Variants in NPY observed in about 807,000 individuals in gnomAD.
The protein encoded by NPY is pro-neuropeptide Y.
In NPY, 11 loss-of-function variants were observed where a neutral mutation model predicts 13.2. That is an observed-to-expected ratio of 0.83 (90% CI 0.52 to 1.38). The LOEUF is 1.38. Ranked by LOEUF, NPY falls within the 40% of genes most tolerant of loss-of-function variation. The pLI is 0.00. For synonymous variants in NPY, 51 were observed against 55.6 expected (o/e 0.92, Z 0.37); for missense variants, 109 against 125.1 (o/e 0.87, Z 0.61).
At chr7:24,290,589 C>T (rs1234370735) in intron 3 of NPY, among the ~76,000 whole-genome samples, 2 of 151,716 alleles carry the variant, frequency 1.3e-5, no homozygotes, top group African/African-American at 2.4e-5. Flanking sequence ...GGCCAGCCAG[C>T]ATGAAGGGTG....
chr7:24,289,673 A>G (rs1395708026), intron 3 of NPY, 94 bp downstream of exon 3: 1 of 867,142 alleles, frequency 1.2e-6, no homozygotes, highest in Non-Finnish European at 1.8e-6. Flanking sequence ...AGGCACCACC[A>G]GGCTTCTAGA....
chr7:24,290,775 A>AATAATAATAATTATAATTATT (rs10701264), intron 3 of NPY, among the ~76,000 whole-genome samples: 1 of 129,638 alleles, frequency 7.7e-6, no homozygotes, highest in Non-Finnish European at 1.6e-5. Context: ...TAATAATAAT[A>AATAATAATAATTATAATTATT]ATTATTATTA....
At position 24,284,614 on chromosome 7, in the gene NPY, G is replaced by A. The variant is rs1787284111; in HGVS notation, c.-1+339G>A. ...GTCTCCCTGCGGGTCGCCGCCTTGAGGCCCAGGAAGCGGTGCGCGGTAGGA... is the reference window on the plus strand; with the variant it reads ...GTCTCCCTGCGGGTCGCCGCCTTGAAGCCCAGGAAGCGGTGCGCGGTAGGA... On this transcript the variant is annotated intron_variant, in intron 1 of 3. Coordinates refer to ENST00000242152, the MANE Select transcript of NPY (RefSeq NM_000905.4). Among the ~76,000 whole-genome samples the A allele has an allele frequency of 2.0e-5, 3 of 152,308 alleles. No individual in the cohort carries two copies. The South Asian group carries it at 6.2e-4, about 32-fold the overall frequency.
intron 3 of NPY, among the ~76,000 whole-genome samples, 169 bp downstream of exon 3, chr7:24,289,748 A>T (rs529815914): frequency 9.5e-4 from 144 of 152,168 alleles, no homozygotes; most frequent in African/African-American, 3.4e-3. Context: ...CTTTTCATGT[A>T]CTCATTGTCA....
intron 2 of NPY, among the ~76,000 whole-genome samples, chr7:24,288,145 A>T (rs368992580): frequency 2.0e-5 from 3 of 152,322 alleles, no homozygotes; most frequent in East Asian, 3.9e-4. Flanking sequence ...ATTGGATAAA[A>T]AGTTGGCAGT....
In NPY at chr7:24,291,829, A is replaced by G; in HGVS notation, c.*142A>G. On this transcript the variant is annotated 3_prime_UTR_variant, in exon 4 of 4. Coordinates refer to ENST00000242152, the MANE Select transcript of NPY (RefSeq NM_000905.4). ...GTTTTCCTTTGTCATCATTGTATAT[A>G]TGTGTGTTTAAATAAAGTATCATGC... 1 of 828,638 alleles carries G rather than the reference A, an allele frequency of 1.2e-6. No homozygotes were observed. Among genetic ancestry groups the G allele is most frequent in the Non-Finnish European group, 1.9e-6 (1 of 518,266 alleles). 51.3% of individuals were successfully genotyped at this position (828,638 alleles called of 1,614,324 possible).
intron 3 of NPY, among the ~76,000 whole-genome samples, chr7:24,291,374 G>A (rs1327691555): frequency 1.3e-5 from 2 of 152,148 alleles, no homozygotes; most frequent in South Asian, 2.1e-4. Flanking sequence ...TCAAAAGATC[G>A]GGGTGTTCTT....
chr7:24,289,725 A>G, intron 3 of NPY, 146 bp downstream of exon 3: 1 of 501,540 alleles, frequency 2.0e-6, no homozygotes, highest in East Asian at 3.2e-5. Flanking sequence ...AGAAGCAGGC[A>G]GAGGAGACCT....
chr7:24,285,532 C>A lies in NPY; in HGVS notation c.188+104C>A. 1 of 1,224,578 alleles carries A rather than the reference C, an allele frequency of 8.2e-7. No homozygotes were observed. The highest frequency in any genetic ancestry group is 2.1e-5 in the Admixed American group (1 of 47,830). 75.9% of individuals were successfully genotyped at this position (1,224,578 alleles called of 1,614,324 possible). Reference sequence around the variant, plus strand: ...ATTGTTTCTTTTCCTTCGCTCTATCCCAGGGCAGGACAGTATCAGGCACTT... The same window carrying A: ...ATTGTTTCTTTTCCTTCGCTCTATCACAGGGCAGGACAGTATCAGGCACTT... On this transcript the variant is annotated intron_variant, in intron 2 of 3. Transcript: ENST00000242152. The surrounding 1 kb of genome is among the most constrained non-coding windows in gnomAD (Gnocchi z 4.9).
At chr7:24,291,509 G>C (rs1349960317) in intron 3 of NPY, among the ~76,000 whole-genome samples, 154 bp from the exon 4 acceptor site, 2 of 152,180 alleles carry the variant, frequency 1.3e-5, no homozygotes. Flanking sequence ...CTCACGATCT[G>C]ATATTCCACA....
At chr7:24,287,197 G>T (rs750289097) in intron 2 of NPY, among the ~76,000 whole-genome samples, 1 of 152,122 alleles carries the variant, frequency 6.6e-6, no homozygotes, top group African/African-American at 2.4e-5. Flanking sequence ...TAAAGGAAAG[G>T]GACTTGGGTT....
At chr7:24,288,824 C>T (rs1787489334) in intron 2 of NPY, among the ~76,000 whole-genome samples, 1 of 151,988 alleles carries the variant, frequency 6.6e-6, no homozygotes, top group Non-Finnish European at 1.5e-5. Context: ...ATATAAGACC[C>T]AGGGTCTGTT....
intron 3 of NPY, among the ~76,000 whole-genome samples, 156 bp downstream of exon 3, chr7:24,289,735 T>C (rs1257782533): frequency 6.6e-6 from 1 of 152,142 alleles, no homozygotes; most frequent in African/African-American, 2.4e-5. Flanking sequence ...AGAGGAGACC[T>C]CTCTTTTCAT....
intron 1 of NPY, chr7:24,284,875 A>G (rs1157209810): frequency 3.0e-6 from 1 of 337,118 alleles, no homozygotes; most frequent in Non-Finnish European, 5.6e-6. Flanking sequence ...TTCTTCCCAG[A>G]CAAGAGTTTG....
chr7:24,284,307 G>A (rs552008703), intron 1 of NPY, 32 bp downstream of exon 1: 4 of 152,984 alleles, frequency 2.6e-5, no homozygotes, highest in East Asian at 3.9e-4. Flanking sequence ...TCTAGGGGTG[G>A]GAGCGAACGG....
Position 24,285,109 on chromosome 7 carries a change from G to A in NPY, c.1-132G>A. 1.0e-6 allele frequency: 1 copy of A among 959,604 alleles called. No homozygotes were observed. Among genetic ancestry groups the A allele is most frequent in the Non-Finnish European group, 1.6e-6 (1 of 615,546 alleles). 59.4% of individuals were successfully genotyped at this position (959,604 alleles called of 1,614,324 possible). Reference sequence around the variant, plus strand: ...TAGCCACTCCTGGGTTCTCTCTGCGGGACTGGGACGAGAGCGGATTGGGGG... The same window carrying A: ...TAGCCACTCCTGGGTTCTCTCTGCGAGACTGGGACGAGAGCGGATTGGGGG... On this transcript the variant is annotated intron_variant, in intron 1 of 3. Transcript: ENST00000242152. The surrounding 1 kb of genome is among the most constrained non-coding windows in gnomAD (Gnocchi z 4.9).
At chr7:24,289,198 A>T (rs1787504709) in intron 2 of NPY, among the ~76,000 whole-genome samples, 1 of 152,174 alleles carries the variant, frequency 6.6e-6, no homozygotes. Context: ...GTATCTCTAT[A>T]CATATTATTT....
At chr7:24,286,777 A>G (rs1405940621) in intron 2 of NPY, among the ~76,000 whole-genome samples, 2 of 152,258 alleles carry the variant, frequency 1.3e-5, no homozygotes, top group Non-Finnish European at 2.9e-5. Flanking sequence ...CAGAAAGTTA[A>G]TTGATTCAAA....
rs1158800758 is a variant in NPY, at chr7:24,285,837, C to T, written c.188+409C>T. On this transcript the variant is annotated intron_variant, in intron 2 of 3. Coordinates refer to ENST00000242152, the MANE Select transcript of NPY (RefSeq NM_000905.4). This position sits in a 1 kb window ranked among gnomAD's most constrained non-coding sequence, Gnocchi z 4.9. ...AGCAAGGTGTCTAGGAGAAACAGAACGACCACCAAAGAAAACCAAACCAAG... is the reference window on the plus strand; with the variant it reads ...AGCAAGGTGTCTAGGAGAAACAGAATGACCACCAAAGAAAACCAAACCAAG... 1.3e-5 allele frequency among the ~76,000 whole-genome samples: 2 copies of T among 152,168 alleles called. No individual in the cohort carries two copies. Among genetic ancestry groups the T allele is most frequent in the Non-Finnish European group, 2.9e-5 (2 of 68,028 alleles).
Sources: allele counts gnomAD v4.1 joint callset (sites outside exome capture counted in the v4.1 genomes callset), GRCh38; gene constraint gnomAD v4.1.1; non-coding constraint Gnocchi (gnomAD v3.1); transcripts MANE v1.5; gene names NCBI Gene and HGNC (gene_info 2026-07-23, HGNC 2026-07-21).